STK3: variants seen among roughly 807,000 people sequenced by gnomAD.
STK3 encodes serine/threonine-protein kinase 3.
STK3 carries 41 observed loss-of-function variants against 58.0 expected under a neutral mutation model. The ratio of observed to expected loss-of-function variants is 0.71; its 90% CI spans 0.55 to 0.92. STK3 has a LOEUF of 0.92. Among genes scored for constraint, STK3 ranks in the 40% least tolerant of loss-of-function variants. The pLI, the probability that STK3 is intolerant of heterozygous loss-of-function variation, is 0.00. For synonymous variants in STK3, 170 were observed against 191.0 expected, an observed-to-expected ratio of 0.89 and a Z score of 0.91; for missense variants, 479 against 602.7, an observed-to-expected ratio of 0.79 and a Z score of 2.15.
At chr8:98,802,946 C>T (rs999291537) in intron 1 of STK3, among the ~76,000 whole-genome samples, 1 of 152,124 alleles carries the variant, frequency 6.6e-6, no homozygotes, top group African/African-American at 2.4e-5. Context: ...TACTGACAGA[C>T]TTTGTTTCAT....
chr8:98,365,122 C>T, the STK3 span, among the ~76,000 whole-genome samples: 1 of 152,168 alleles, frequency 6.6e-6, no homozygotes, highest in Admixed American at 6.5e-5. Context: ...TCTGAGCCTT[C>T]TGGGGTGAAT....
chr8:98,671,082 G>C (rs557585183), intron 6 of STK3, among the ~76,000 whole-genome samples: 1 of 151,628 alleles, frequency 6.6e-6, no homozygotes, highest in African/African-American at 2.4e-5. Context: ...TAAAGGAAAA[G>C]TCAATATAAG....
chr8:98,502,691 T>C (rs1823708415), intron 10 of STK3, among the ~76,000 whole-genome samples: 1 of 152,248 alleles, frequency 6.6e-6, no homozygotes. Flanking sequence ...ATTCTGTTTA[T>C]ATACTGGATT....
chr8:98,886,840 G>A (rs1007611689), intron 1 of STK3, among the ~76,000 whole-genome samples: 1 of 152,156 alleles, frequency 6.6e-6, no homozygotes, highest in Non-Finnish European at 1.5e-5. Flanking sequence ...GCTCATGTCT[G>A]TAATTCCAGC....
intron 10 of STK3, among the ~76,000 whole-genome samples, chr8:98,506,437 C>T (rs1476524597): frequency 2.0e-5 from 3 of 152,182 alleles, no homozygotes; most frequent in Admixed American, 6.5e-5. Context: ...TGAGATGAAC[C>T]AGGTACCTCA....
At chr8:98,811,663 C>T (rs1226839776) in intron 1 of STK3, among the ~76,000 whole-genome samples, 10 of 149,682 alleles carry the variant, frequency 6.7e-5, no homozygotes, top group Non-Finnish European at 1.3e-4. Context: ...TTCAATGTAA[C>T]ATTATTAAAC....
At chr8:98,821,135 G>A (rs909043728) in intron 1 of STK3, among the ~76,000 whole-genome samples, 2 of 152,178 alleles carry the variant, frequency 1.3e-5, no homozygotes, top group Non-Finnish European at 2.9e-5. Flanking sequence ...CAACACAGCA[G>A]GAGGTGAGCT....
Position 98,838,497 on chromosome 8 carries a change from G to C in STK3, c.110+45150C>G, listed in dbSNP as rs528276758. Among the ~76,000 whole-genome samples the C allele has an allele frequency of 5.8e-4, 88 of 152,186 alleles. 2 individuals are homozygous for C. The highest frequency in any genetic ancestry group is 2.0e-3 in the African/African-American group (84 of 41,514). ...CTGGTGGCATCAGTTAATGCTGTTG[G>C]AAAACAGGGCAATGAGGCCTAGAGC... On this transcript the variant is annotated intron_variant, in intron 3 of 12. Coordinates refer to the STK3 transcript ENST00000523601.
intron 1 of STK3, among the ~76,000 whole-genome samples, chr8:98,923,858 C>T (rs200703481): frequency 0.15 from 11,964 of 80,490 alleles, 515 homozygotes; most frequent in African/African-American, 0.17. Context: ...TGTGTGTGCG[C>T]GCGCGCGCGC....
At chr8:98,942,391 C>T (rs1455285256) in exon 1 of STK3, 5 of 152,278 alleles carry the variant, frequency 3.3e-5, no homozygotes, top group Non-Finnish European at 7.3e-5. Context: ...TTCAAGAGAC[C>T]GTAGTCGTGC....
intron 6 of STK3, among the ~76,000 whole-genome samples, chr8:98,649,724 C>G (rs1820723903): frequency 6.6e-6 from 1 of 152,120 alleles, no homozygotes. Context: ...TTATGTTACC[C>G]AATTCCAATG....
At chr8:98,344,894 A>C in the STK3 span, among the ~76,000 whole-genome samples, 1 of 90,658 alleles carries the variant, frequency 1.1e-5, no homozygotes. Context: ...CTCCGTCTCA[A>C]AAAAAAAAAA....
intron 1 of STK3, among the ~76,000 whole-genome samples, chr8:98,912,376 T>TCAA (rs149065670): frequency 3.6e-4 from 54 of 150,706 alleles, no homozygotes; most frequent in African/African-American, 1.2e-3. Flanking sequence ...AGACTGCATC[T>TCAA]CAACAACAAC....
intron 8 of STK3, among the ~76,000 whole-genome samples, chr8:98,572,964 T>G (rs1813082066): frequency 6.6e-6 from 1 of 152,198 alleles, no homozygotes; most frequent in Non-Finnish European, 1.5e-5. Context: ...ACATAATTTT[T>G]AAGTGCTCAT....
intron 3 of STK3, among the ~76,000 whole-genome samples, chr8:98,757,114 A>C (rs1384073431): frequency 6.6e-6 from 1 of 152,036 alleles, no homozygotes; most frequent in Non-Finnish European, 1.5e-5. Flanking sequence ...TGTATATATA[A>C]CAATATATCT....
chr8:98,358,798 C>T, the STK3 span, among the ~76,000 whole-genome samples: 1 of 152,078 alleles, frequency 6.6e-6, no homozygotes, highest in South Asian at 2.1e-4. Flanking sequence ...AAAAATGGTG[C>T]TGTTAGAAAG....
chr8:98,454,079 G>T (rs1819324966), downstream of STK3, among the ~76,000 whole-genome samples: 1 of 151,724 alleles, frequency 6.6e-6, no homozygotes, highest in Non-Finnish European at 1.5e-5. Context: ...TATTTGTAAG[G>T]GCTCAACAGG....
intron 3 of STK3, among the ~76,000 whole-genome samples, chr8:98,874,122 G>A (rs1837478344): frequency 6.6e-6 from 1 of 152,168 alleles, no homozygotes. Context: ...AGCTGGATAT[G>A]AAATTCTGGG....
intron 1 of STK3, among the ~76,000 whole-genome samples, chr8:98,934,521 C>A: frequency 6.6e-6 from 1 of 152,228 alleles, no homozygotes; most frequent in East Asian, 1.9e-4. Flanking sequence ...AAAGTAGAAT[C>A]CTGCCAATGC....
Sources: allele counts gnomAD v4.1 joint callset (sites outside exome capture counted in the v4.1 genomes callset), GRCh38; gene constraint gnomAD v4.1.1; transcripts MANE v1.5; gene names NCBI Gene and HGNC (gene_info 2026-07-23, HGNC 2026-07-21).